XYLT1: variants seen among roughly 807,000 people sequenced by gnomAD.
The protein encoded by XYLT1 is beta-D-xylosyltransferase 1.
Under a neutral mutation model 91.3 loss-of-function variants are expected in XYLT1, and 36 were observed. The observed-to-expected ratio is 0.39, with a 90% CI of 0.30 to 0.52. The LOEUF (loss-of-function observed/expected upper bound fraction) is 0.52, where lower values mean the gene tolerates loss of function less well. Ranked by LOEUF, XYLT1 falls within the 20% of genes least tolerant of loss-of-function variation. The pLI is 0.68. For missense variants in XYLT1, 1,242 were observed against 1,284.5 expected (o/e 0.97, Z 0.51); for synonymous variants, 588 against 532.0 (o/e 1.11, Z -1.45).
intron 1 of XYLT1, among the ~76,000 whole-genome samples, chr16:17,366,874 T>A (rs2035462165): frequency 6.6e-6 from 1 of 152,186 alleles, no homozygotes; most frequent in South Asian, 2.1e-4. Context: ...ACCACTAAGC[T>A]ACCCTGCTTC....
intron 1 of XYLT1, among the ~76,000 whole-genome samples, chr16:17,469,100 T>A (rs939737932): frequency 2.0e-5 from 3 of 152,176 alleles, no homozygotes; most frequent in African/African-American, 7.2e-5. Context: ...TGCCATCACA[T>A]CACGTCTTGG....
rs878885353 is a variant in XYLT1 at position 17,104,028 on chromosome 16, C to A, written c.*4667G>T. On this transcript the variant is annotated 3_prime_UTR_variant, in exon 12 of 12. Transcript: ENST00000261381. ...TCAAGCAGATTTGGACAACTTTGTTCCCCCCTCCCAGGTAAACTTCTCAGC... is the reference window on the plus strand; with the variant it reads ...TCAAGCAGATTTGGACAACTTTGTTACCCCCTCCCAGGTAAACTTCTCAGC... 1 of 152,666 alleles carries A rather than the reference C, an allele frequency of 6.6e-6. No homozygotes were observed. The highest frequency in any genetic ancestry group is 1.5e-5 in the Non-Finnish European group (1 of 68,134). 9.5% of individuals were successfully genotyped at this position (152,666 alleles called of 1,614,324 possible).
At position 17,259,965 on chromosome 16, in the gene XYLT1, A is replaced by G. The variant is rs145114417; in HGVS notation, c.403-467T>C. Among the ~76,000 whole-genome samples, 61 of 152,142 alleles carry G rather than the reference A, an allele frequency of 4.0e-4. 1 individual carries two copies. The highest frequency in any genetic ancestry group is 4.0e-4 in the Non-Finnish European group (27 of 68,006). On this transcript the variant is annotated intron_variant, in intron 2 of 11. Coordinates refer to ENST00000261381, the MANE Select transcript of XYLT1 (RefSeq NM_022166.4). ...TCCATTGCCTTTAGGACATGCTCAT[A>G]TATCTATGCCCATAAGAGAAATCAG...
At chr16:17,468,623 A>G (rs2036933042) in intron 1 of XYLT1, among the ~76,000 whole-genome samples, 1 of 152,174 alleles carries the variant, frequency 6.6e-6, no homozygotes, top group Non-Finnish European at 1.5e-5. Context: ...GAGCACACAG[A>G]GAGGGGCTGG....
intron 10 of XYLT1, among the ~76,000 whole-genome samples, chr16:17,126,400 C>T (rs1284707379): frequency 6.6e-6 from 1 of 152,172 alleles, no homozygotes; most frequent in Non-Finnish European, 1.5e-5. Flanking sequence ...ATCTAATTGC[C>T]CCCTGATGCC....
intron 2 of XYLT1, among the ~76,000 whole-genome samples, chr16:17,276,615 C>T (rs2033980271): frequency 6.6e-6 from 1 of 152,212 alleles, no homozygotes; most frequent in African/African-American, 2.4e-5. Flanking sequence ...ACTCTGGTCA[C>T]TCCCTTTGGA....
At position 17,118,574 on chromosome 16, in the gene XYLT1, C is replaced by T. The variant is rs182037455; in HGVS notation, c.2224-595G>A. Among the ~76,000 whole-genome samples the T allele has an allele frequency of 2.1e-3, 316 of 152,268 alleles. 1 individual carries two copies. The highest frequency in any genetic ancestry group is 3.7e-3 in the Non-Finnish European group (249 of 68,018). On this transcript the variant is annotated intron_variant, in intron 10 of 11. Transcript: ENST00000261381. ...AAGGCACCTAGATCTGGACTGTAAGCATGAGAGTCATCCTGCGATCCTTCC... is the reference window on the plus strand; with the variant it reads ...AAGGCACCTAGATCTGGACTGTAAGTATGAGAGTCATCCTGCGATCCTTCC...
chr16:17,184,204 T>TTTTTTTTC (rs2032131614), intron 5 of XYLT1, among the ~76,000 whole-genome samples: 1 of 141,704 alleles, frequency 7.1e-6, no homozygotes. Flanking sequence ...TTTTTTTTTT[T>TTTTTTTTC]TGCCAATAAG....
At chr16:17,378,284 A>G (rs1435747092) in intron 1 of XYLT1, among the ~76,000 whole-genome samples, 1 of 141,376 alleles carries the variant, frequency 7.1e-6, no homozygotes, top group Admixed American at 6.8e-5. Context: ...CCAAATAGGT[A>G]TTTATTTGTT....
chr16:17,356,220 T>G (rs2035293022), intron 2 of XYLT1, among the ~76,000 whole-genome samples: 1 of 152,334 alleles, frequency 6.6e-6, no homozygotes, highest in Middle Eastern at 3.4e-3. Flanking sequence ...TAAGTCTATT[T>G]CTGAAAGCAA....
intron 6 of XYLT1, among the ~76,000 whole-genome samples, chr16:17,153,716 T>C (rs937967344): frequency 3.3e-5 from 5 of 152,214 alleles, no homozygotes; most frequent in African/African-American, 1.2e-4. Context: ...CTAACTTTCA[T>C]AGCATGCCCA....
At position 17,400,635 on chromosome 16, in the gene XYLT1, GGA is replaced by G. The variant is rs2035953861; in HGVS notation, c.364-42587_364-42586del. Among the ~76,000 whole-genome samples, 634 of 70,428 alleles carry G rather than the reference GGA, an allele frequency of 9.0e-3. 10 individuals carry two copies. Among genetic ancestry groups the G allele is most frequent in the Middle Eastern group, 0.011 (2 of 180 alleles). 46.2% of individuals were successfully genotyped at this position (70,428 alleles called of 152,430 possible). A position where few individuals can be genotyped will look rare whatever the true frequency, so the allele number is the denominator to read the frequency against. The stretch of plus-strand genomic sequence containing the variant: ...AGGGAGGGAGGGAGGAAGGGAGGAA[GGA>G]AGGAAGGAAGGAAGGAAGGAAGGAA... On this transcript the variant is annotated intron_variant, in intron 1 of 11. Transcript: ENST00000261381.
intron 7 of XYLT1, among the ~76,000 whole-genome samples, chr16:17,140,837 G>A (rs890124540): frequency 4.6e-5 from 7 of 152,176 alleles, no homozygotes; most frequent in African/African-American, 1.7e-4. Context: ...TAAGGTTCTT[G>A]TTCTAACAAA....
chr16:17,131,602 A>T (rs565822056), intron 9 of XYLT1, among the ~76,000 whole-genome samples: 1 of 152,044 alleles, frequency 6.6e-6, no homozygotes, highest in Non-Finnish European at 1.5e-5. Context: ...TGACATCCTT[A>T]TTTCTGGATG....
At chr16:17,228,066 T>TC (rs1427772674) in intron 3 of XYLT1, 1 of 152,170 alleles carries the variant, frequency 6.6e-6, no homozygotes, top group Non-Finnish European at 1.5e-5. Flanking sequence ...CTGTTGTAGG[T>TC]TTGGATCAGG....
intron 2 of XYLT1, among the ~76,000 whole-genome samples, chr16:17,261,689 T>G (rs1461120986): frequency 6.6e-6 from 1 of 152,110 alleles, no homozygotes; most frequent in Non-Finnish European, 1.5e-5. Flanking sequence ...TGGCCTATTG[T>G]GTTGCAGGAA....
chr16:17,233,537 G>A (rs1013705414), intron 3 of XYLT1, among the ~76,000 whole-genome samples: 21 of 152,260 alleles, frequency 1.4e-4, no homozygotes, highest in Non-Finnish European at 7.3e-5. Flanking sequence ...TCAAAGCAGA[G>A]ATTGCAGGCT....
chr16:17,141,074 C>CGTATCATTA, intron 7 of XYLT1, 79 bp downstream of exon 7: 1 of 1,456,236 alleles, frequency 6.9e-7, no homozygotes, highest in South Asian at 1.3e-5. Context: ...ATCTCTTTGC[C>CGTATCATTA]AAAAATTCAG....
intron 1 of XYLT1, among the ~76,000 whole-genome samples, chr16:17,389,130 T>C (rs912927912): frequency 6.6e-6 from 1 of 152,262 alleles, no homozygotes; most frequent in Non-Finnish European, 1.5e-5. Flanking sequence ...TTAACCTTTG[T>C]TCTTTTGCAG....
Sources: allele counts gnomAD v4.1 joint callset (sites outside exome capture counted in the v4.1 genomes callset), GRCh38; gene constraint gnomAD v4.1.1; transcripts MANE v1.5; gene names NCBI Gene and HGNC (gene_info 2026-07-23, HGNC 2026-07-21).